Variants in SLIT3 observed in about 807,000 individuals in gnomAD.
The protein encoded by SLIT3 is slit guidance ligand 3.
In SLIT3, 68 loss-of-function variants were observed where a neutral mutation model predicts 184.0. That is an observed-to-expected ratio of 0.37 (90% CI 0.30 to 0.45). The LOEUF (loss-of-function observed/expected upper bound fraction) is 0.45. SLIT3 is among the 20% of genes least tolerant of loss of function. SLIT3 has a pLI of 1.00. For missense variants in SLIT3, 1,707 were observed against 2,026.0 expected, an observed-to-expected ratio of 0.84 and a Z score of 3.02; for synonymous variants, 831 against 828.6, an observed-to-expected ratio of 1.00 and a Z score of -0.05.
chr5:168,899,962 G>C (rs574255572), intron 4 of SLIT3, among the ~76,000 whole-genome samples: 1 of 152,208 alleles, frequency 6.6e-6, no homozygotes, highest in South Asian at 2.1e-4. Flanking sequence ...CAGAGGCCCC[G>C]GGAAAAGAGA....
intron 4 of SLIT3, among the ~76,000 whole-genome samples, chr5:169,139,503 C>G (rs978980785): frequency 6.6e-6 from 1 of 152,188 alleles, no homozygotes; most frequent in Non-Finnish European, 1.5e-5. Context: ...CACAGCTAGC[C>G]AGCAACAGCA....
intron 3 of SLIT3, among the ~76,000 whole-genome samples, chr5:169,195,913 T>TA (rs1273200256): frequency 6.6e-6 from 1 of 152,112 alleles, no homozygotes; most frequent in African/African-American, 2.4e-5. Context: ...TTCTTAGCAA[T>TA]AAAAAAACTG....
chr5:168,966,077 G>T (rs10039611), intron 4 of SLIT3, among the ~76,000 whole-genome samples: 7,614 of 152,232 alleles, frequency 0.05, 430 homozygotes, highest in African/African-American at 0.14. Flanking sequence ...ATACGATTGT[G>T]AATTTTATTA....
chr5:169,094,627 C>G (rs866606006), intron 4 of SLIT3, among the ~76,000 whole-genome samples: 2 of 152,162 alleles, frequency 1.3e-5, no homozygotes, highest in South Asian at 2.1e-4. Context: ...AAGACTCAGT[C>G]TCAAAAAAAA....
At chr5:168,757,693 C>T (rs1361117115) in intron 16 of SLIT3, among the ~76,000 whole-genome samples, 1 of 152,178 alleles carries the variant, frequency 6.6e-6, no homozygotes, top group African/African-American at 2.4e-5. Flanking sequence ...GCTCAGCCTC[C>T]CAAAGTGCTG....
chr5:169,004,896 C>A (rs1218387682), intron 4 of SLIT3, among the ~76,000 whole-genome samples: 1 of 152,172 alleles, frequency 6.6e-6, no homozygotes, highest in African/African-American at 2.4e-5. Context: ...TGACCTTGAA[C>A]CTCCTAGTCT....
At chr5:168,934,143 T>C (rs1189119576) in intron 4 of SLIT3, among the ~76,000 whole-genome samples, 2 of 152,200 alleles carry the variant, frequency 1.3e-5, no homozygotes, top group East Asian at 3.9e-4. Context: ...TTTATTGTCC[T>C]CTAAAGAGAT....
chr5:169,019,945 G>C (rs1424222259), intron 4 of SLIT3, among the ~76,000 whole-genome samples: 1 of 152,120 alleles, frequency 6.6e-6, no homozygotes, highest in East Asian at 1.9e-4. Context: ...TTTTGCTTGG[G>C]AATAAGTGTT....
intron 20 of SLIT3, among the ~76,000 whole-genome samples, chr5:168,730,268 CA>C (rs1262489202): frequency 1.3e-5 from 2 of 151,922 alleles, no homozygotes; most frequent in Non-Finnish European, 2.9e-5. Flanking sequence ...GACGACAATA[CA>C]ATAATAGTAG....
intron 1 of SLIT3, among the ~76,000 whole-genome samples, chr5:169,251,939 A>G (rs1765789011): frequency 1.3e-5 from 2 of 152,092 alleles, no homozygotes; most frequent in Non-Finnish European, 2.9e-5. Flanking sequence ...AAGCCATCTC[A>G]CCGCCACAAA....
intron 4 of SLIT3, among the ~76,000 whole-genome samples, chr5:168,934,053 G>A (rs1475329775): frequency 6.6e-6 from 1 of 152,190 alleles, no homozygotes; most frequent in Non-Finnish European, 1.5e-5. Context: ...CTCTGGAGTT[G>A]TGGCAAATAC....
At chr5:169,249,859 A>T (rs1432473587) in intron 2 of SLIT3, among the ~76,000 whole-genome samples, 4 of 152,304 alleles carry the variant, frequency 2.6e-5, no homozygotes, top group Middle Eastern at 6.8e-3. Context: ...GTGAGAGGAG[A>T]GTGTTTGAGA....
intron 18 of SLIT3, among the ~76,000 whole-genome samples, chr5:168,750,776 C>A (rs1754666226): frequency 6.6e-6 from 1 of 151,898 alleles, no homozygotes. Flanking sequence ...CAATTATATG[C>A]CGGGCATCTG....
chr5:169,063,145 A>G (rs560358576), intron 4 of SLIT3, among the ~76,000 whole-genome samples: 12 of 152,212 alleles, frequency 7.9e-5, no homozygotes, highest in African/African-American at 2.4e-5. Context: ...GTTTGTAATC[A>G]TAAGTGCCAA....
At chr5:168,776,552 G>T (rs1030367447) in intron 12 of SLIT3, among the ~76,000 whole-genome samples, 1 of 152,204 alleles carries the variant, frequency 6.6e-6, no homozygotes, top group Admixed American at 6.5e-5. Context: ...TGTTTCTAGG[G>T]AGCATGCTGG....
At chr5:168,784,532 T>TCGCA in intron 12 of SLIT3, among the ~76,000 whole-genome samples, 1 of 152,304 alleles carries the variant, frequency 6.6e-6, no homozygotes, top group Non-Finnish European at 1.5e-5. Flanking sequence ...TTGCTGGGCA[T>TCGCA]CGCACGCCTA....
At chr5:169,122,918 G>A (rs1760936822) in intron 4 of SLIT3, among the ~76,000 whole-genome samples, 1 of 152,086 alleles carries the variant, frequency 6.6e-6, no homozygotes, top group African/African-American at 2.4e-5. Flanking sequence ...CAGAAAGCTA[G>A]TTCTAAAATC....
intron 4 of SLIT3, among the ~76,000 whole-genome samples, chr5:169,046,504 C>T (rs953958769): frequency 2.0e-5 from 3 of 152,122 alleles, no homozygotes; most frequent in Non-Finnish European, 4.4e-5. Flanking sequence ...AAAATGTCTC[C>T]GGATCCATAA....
intron 8 of SLIT3, among the ~76,000 whole-genome samples, chr5:168,811,375 T>C (rs968753883): frequency 3.9e-5 from 6 of 152,190 alleles, no homozygotes; most frequent in Non-Finnish European, 8.8e-5. Context: ...GGAAACTGAA[T>C]AGGGGGTTAA....
Sources: allele counts gnomAD v4.1 joint callset (sites outside exome capture counted in the v4.1 genomes callset), GRCh38; gene constraint gnomAD v4.1.1; transcripts MANE v1.5; gene names NCBI Gene and HGNC (gene_info 2026-07-23, HGNC 2026-07-21).